Variants in DCP1A observed in about 807,000 individuals in gnomAD.
DCP1A encodes the protein mRNA-decapping enzyme 1A.
DCP1A carries 20 observed loss-of-function variants against 58.0 expected under a neutral mutation model. That is an observed-to-expected ratio of 0.34 (90% CI 0.24 to 0.50). The LOEUF is 0.50. DCP1A is among the 20% of genes least tolerant of loss of function. The probability of loss-of-function intolerance (pLI) is 0.98; values close to 1 mark genes in which losing one functional copy is unlikely to be tolerated. For missense variants in DCP1A, 613 were observed against 712.2 expected (o/e 0.86, Z 1.59); for synonymous variants, 285 against 275.1 (o/e 1.04, Z -0.36).
chr3:53,316,456 TCTCA>T (rs1411448718), intron 4 of DCP1A, among the ~76,000 whole-genome samples: 2 of 152,064 alleles, frequency 1.3e-5, no homozygotes, highest in African/African-American at 4.8e-5. Flanking sequence ...TGAGATGGGA[TCTCA>T]CTATGTTGCC....
At chr3:53,293,458 T>C (rs1553686443) in intron 6 of DCP1A, among the ~76,000 whole-genome samples, 2 of 152,212 alleles carry the variant, frequency 1.3e-5, no homozygotes, top group Non-Finnish European at 2.9e-5. Flanking sequence ...AGTATTTCCA[T>C]AGTCAATAAC....
At chr3:53,319,608 G>GT in intron 3 of DCP1A, 135 bp from the exon 4 acceptor site, 1 of 545,022 alleles carries the variant, frequency 1.8e-6, no homozygotes, top group South Asian at 3.1e-5. Flanking sequence ...TCTATCTAAA[G>GT]AAAACAAGTA....
intron 3 of DCP1A, among the ~76,000 whole-genome samples, chr3:53,324,957 A>C (rs1173163028): frequency 3.9e-5 from 6 of 152,190 alleles, no homozygotes; most frequent in African/African-American, 1.4e-4. Context: ...CCATCTAAGA[A>C]TATCAAACAT....
At chr3:53,342,061 G>T in intron 3 of DCP1A, 83 bp downstream of exon 3, 1 of 1,258,642 alleles carries the variant, frequency 7.9e-7, no homozygotes, top group Non-Finnish European at 1.1e-6. Context: ...TTTGTAATTT[G>T]AAACTTCCTA....
intron 4 of DCP1A, among the ~76,000 whole-genome samples, chr3:53,313,622 GT>G (rs1171723348): frequency 1.3e-5 from 2 of 150,924 alleles, no homozygotes; most frequent in African/African-American, 4.9e-5. Flanking sequence ...AACTTTTTTT[GT>G]TTTTTTTAAG....
At chr3:53,307,675 A>G (rs1213981365) in intron 5 of DCP1A, among the ~76,000 whole-genome samples, 1 of 152,218 alleles carries the variant, frequency 6.6e-6, no homozygotes, top group East Asian at 1.9e-4. Context: ...AATGAGGGAA[A>G]ATGGGCAATC....
intron 3 of DCP1A, among the ~76,000 whole-genome samples, chr3:53,321,840 T>A (rs973675179): frequency 6.6e-6 from 1 of 152,336 alleles, no homozygotes; most frequent in South Asian, 2.1e-4. Flanking sequence ...CAATTTTTTA[T>A]AGAAACAAAA....
chr3:53,318,442 G>T (rs1553689498), intron 4 of DCP1A, among the ~76,000 whole-genome samples: 1 of 152,182 alleles, frequency 6.6e-6, no homozygotes, highest in Non-Finnish European at 1.5e-5. Flanking sequence ...AGATGGGGAT[G>T]GTGGAGGGGG....
At chr3:53,310,732 C>T (rs782541973) in intron 5 of DCP1A, among the ~76,000 whole-genome samples, 9 of 152,126 alleles carry the variant, frequency 5.9e-5, no homozygotes, top group Non-Finnish European at 1.3e-4. Context: ...TCCATAGATC[C>T]ATTCATTCCT....
At chr3:53,308,635 C>G (rs933390961) in intron 5 of DCP1A, among the ~76,000 whole-genome samples, 3 of 152,082 alleles carry the variant, frequency 2.0e-5, no homozygotes, top group African/African-American at 7.2e-5. Context: ...TTGCTGTCAC[C>G]TGAGCTGGAA....
At chr3:53,341,945 G>A (rs1553692583) in intron 3 of DCP1A, among the ~76,000 whole-genome samples, 199 bp downstream of exon 3, 3 of 152,038 alleles carry the variant, frequency 2.0e-5, no homozygotes, top group African/African-American at 7.3e-5. Context: ...CCAAAGTGCT[G>A]GGATTACAGG....
chr3:53,339,065 A>G (rs1415979053), intron 3 of DCP1A, among the ~76,000 whole-genome samples: 7 of 152,212 alleles, frequency 4.6e-5, no homozygotes, highest in Non-Finnish European at 4.4e-5. Context: ...GTGCAGCTAT[A>G]GAATCAGGTA....
intron 3 of DCP1A, chr3:53,338,132 C>T (rs1553692146): frequency 4.5e-6 from 2 of 447,512 alleles, no homozygotes; most frequent in Admixed American, 4.8e-5. Flanking sequence ...CTCTGAGCCT[C>T]TTGTTTTCTC....
chr3:53,342,539 C>T (rs1553692653), intron 2 of DCP1A, among the ~76,000 whole-genome samples: 1 of 152,218 alleles, frequency 6.6e-6, no homozygotes, highest in Non-Finnish European at 1.5e-5. Flanking sequence ...ACTCTGACTT[C>T]ATTTCCTATG....
Position 53,292,308 on chromosome 3 carries a change from T to C in DCP1A, c.1144A>G (p.Thr382Ala). ...QSPFRAPLNV[T>A]NTAGTSLPSV... ...GGGAGGGATGTGCCAGCTGTGTTCG[T>C]CACGTTCAATGGGGCCCTGAAGGGG... Residue 382 changes from threonine (T) to alanine (A), a missense_variant, in exon 7 of 10, where the codon ACG becomes GCG. Coordinates refer to ENST00000610213, the MANE Select transcript of DCP1A (RefSeq NM_018403.7). 6.2e-7 allele frequency: 1 copy of C among 1,613,736 alleles called. No individual in the cohort carries two copies.
chr3:53,321,636 T>G, intron 3 of DCP1A, among the ~76,000 whole-genome samples: 1 of 152,174 alleles, frequency 6.6e-6, no homozygotes, highest in East Asian at 1.9e-4. Context: ...GGAGAATTGC[T>G]TGAATCCAGG....
rs542878654 is a variant in DCP1A, at chr3:53,293,972, G to C, written c.625-1145C>G. ...CAAGGCAGAGTTGCAGAGCTCAGTG[G>C]GAAGGAAGGCACTAGGAAGAGGAGT... On this transcript the variant is annotated intron_variant, in intron 6 of 9. Coordinates refer to ENST00000610213, the MANE Select transcript of DCP1A (RefSeq NM_018403.7). Among the ~76,000 whole-genome samples the C allele has an allele frequency of 1.2e-3, 187 of 152,314 alleles. 2 individuals carry two copies. The highest frequency in any genetic ancestry group is 3.9e-3 in the African/African-American group (162 of 41,560).
Position 53,312,160 on chromosome 3 carries a change from C to G in DCP1A, c.510+81G>C. On this transcript the variant is annotated intron_variant, in intron 5 of 9. Transcript: ENST00000610213. ...CTGCCGTCCCTGGAGGCCAGCTTCCCTAGTAAAATAGTCTCCTGCAGACCT... is the reference window on the plus strand; with the variant it reads ...CTGCCGTCCCTGGAGGCCAGCTTCCGTAGTAAAATAGTCTCCTGCAGACCT... 2.1e-6 allele frequency: 3 copies of G among 1,442,556 alleles called. No individual in the cohort carries two copies. The East Asian group carries it at 7.2e-5, about 35-fold the overall frequency. The allele number at this position is 1,442,556 out of a possible 1,614,324, so 89.4% of individuals were successfully genotyped here.
At chr3:53,314,673 T>TTTC (rs1559693577) in intron 4 of DCP1A, among the ~76,000 whole-genome samples, 1 of 139,642 alleles carries the variant, frequency 7.2e-6, no homozygotes, top group Non-Finnish European at 1.5e-5. Flanking sequence ...TTTTCTTTTT[T>TTTC]TTTTTTTTTT....
Sources: allele counts gnomAD v4.1 joint callset (sites outside exome capture counted in the v4.1 genomes callset), GRCh38; gene constraint gnomAD v4.1.1; transcripts MANE v1.5; gene names NCBI Gene and HGNC (gene_info 2026-07-23, HGNC 2026-07-21).